Variants in PREPL observed in about 807,000 individuals in gnomAD.
PREPL encodes the protein prolyl endopeptidase-like.
In PREPL, 77 loss-of-function variants were observed where a neutral mutation model predicts 70.6. The ratio of observed to expected loss-of-function variants is 1.09; its 90% CI spans 0.91 to 1.32. The LOEUF (loss-of-function observed/expected upper bound fraction) is 1.32, where lower values mean the gene tolerates loss of function less well. Among genes scored for constraint, PREPL ranks in the 40% most tolerant of loss-of-function variants. The pLI, the probability that PREPL is intolerant of heterozygous loss-of-function variation, is 0.00. For missense variants in PREPL, 1,002 were observed against 778.2 expected (o/e 1.29, Z -3.42); for synonymous variants, 315 against 264.8 (o/e 1.19, Z -1.84).
chr2:44,359,455 A>G (rs1050659026), intron 1 of PREPL: 2 of 1,372,398 alleles, frequency 1.5e-6, no homozygotes, highest in Non-Finnish European at 2.0e-6. Context: ...ATTAAAATTA[A>G]TCTTAATGAC....
At chr2:44,339,396 T>C in intron 5 of PREPL, 33 bp from the exon 6 acceptor site, 2 of 1,605,722 alleles carry the variant, frequency 1.2e-6, no homozygotes, top group Non-Finnish European at 1.7e-6. Context: ...GAGATCACAG[T>C]TTATTTCAGA....
intron 5 of PREPL, among the ~76,000 whole-genome samples, chr2:44,339,976 T>A (rs1041861489): frequency 6.6e-6 from 1 of 152,172 alleles, no homozygotes; most frequent in Non-Finnish European, 1.5e-5. Context: ...ATAGCTATTT[T>A]ACTTTTTAAA....
At chr2:44,339,948 C>T (rs959816047) in intron 5 of PREPL, among the ~76,000 whole-genome samples, 2 of 151,986 alleles carry the variant, frequency 1.3e-5, no homozygotes, top group Non-Finnish European at 2.9e-5. Context: ...ACTAACGTAA[C>T]ACATTTAAAA....
chr2:44,353,238 G>C (rs1676639151), intron 1 of PREPL, among the ~76,000 whole-genome samples: 1 of 152,076 alleles, frequency 6.6e-6, no homozygotes, highest in South Asian at 2.1e-4. Flanking sequence ...TAGGCTCTGT[G>C]GCTTTAGTTT....
At chr2:44,350,620 A>G (rs1294381209) in intron 1 of PREPL, among the ~76,000 whole-genome samples, 1 of 152,126 alleles carries the variant, frequency 6.6e-6, no homozygotes, top group African/African-American at 2.4e-5. Context: ...AACTCATTTT[A>G]TTTTTTAAAA....
rs1413925130 is a variant in PREPL, at chr2:44,320,256, C to T, written c.*1100G>A. On this transcript the variant is annotated 3_prime_UTR_variant, in exon 14 of 14. Transcript: ENST00000409411. ...GTTATATCAAGATTTAAGTCTACTT[C>T]ATGCCAATGAGCTACTCCTCAACAG... 31 of 1,613,964 alleles carry T rather than the reference C, an allele frequency of 1.9e-5. No individual in the cohort carries two copies. Among genetic ancestry groups the T allele is most frequent in the Non-Finnish European group, 2.6e-5 (31 of 1,179,950 alleles).
At chr2:44,346,179 T>G in intron 2 of PREPL, 89 bp downstream of exon 2, 1 of 1,253,470 alleles carries the variant, frequency 8.0e-7, no homozygotes, top group Middle Eastern at 2.6e-4. Context: ...AATCTTGATG[T>G]GGACTATGTC....
intron 1 of PREPL, among the ~76,000 whole-genome samples, chr2:44,354,551 T>C (rs77418421): frequency 1.4e-3 from 209 of 151,960 alleles, no homozygotes; most frequent in African/African-American, 4.9e-3. Context: ...ACTTTACTAG[T>C]GAGTTATATT....
chr2:44,359,280 C>T (rs1677400090), intron 1 of PREPL, among the ~76,000 whole-genome samples: 1 of 151,876 alleles, frequency 6.6e-6, no homozygotes, highest in African/African-American at 2.4e-5. Flanking sequence ...GTTGGCCAGG[C>T]TGGTCTCGAA....
intron 4 of PREPL, 53 bp downstream of exon 4, chr2:44,343,690 CAA>C: frequency 1.3e-6 from 2 of 1,518,276 alleles, no homozygotes; most frequent in Non-Finnish European, 1.8e-6. Flanking sequence ...AAAAATGTTT[CAA>C]AAGTGTTACC....
intron 1 of PREPL, chr2:44,359,495 A>G (rs781094358): frequency 1.3e-6 from 2 of 1,596,900 alleles, no homozygotes; most frequent in Non-Finnish European, 1.7e-6. Context: ...AACAGTCCAT[A>G]CCTTACATGA....
At chr2:44,321,681 G>A in intron 13 of PREPL, 146 bp downstream of exon 13, 2 of 1,555,554 alleles carry the variant, frequency 1.3e-6, no homozygotes, top group Non-Finnish European at 1.7e-6. Context: ...TTGACACAGT[G>A]TCCCTCCCTC....
chr2:44,329,628 TA>T (rs1362691196), intron 8 of PREPL, among the ~76,000 whole-genome samples: 1 of 152,156 alleles, frequency 6.6e-6, no homozygotes. Flanking sequence ...ATGTTACTGA[TA>T]ACTACCACAA....
chr2:44,323,428 G>A lies in PREPL; in HGVS notation c.1480-17C>T. 1 of 1,563,342 alleles carries A rather than the reference G, an allele frequency of 6.4e-7. No individual in the cohort carries two copies. Among genetic ancestry groups the A allele is most frequent in the Non-Finnish European group, 8.7e-7 (1 of 1,153,050 alleles). ...GAAAGGTGCCTAAAAAAAAGGCAAAGAAACTTATACTTCAAGTAAGAGGTT... is the reference window on the plus strand; with the variant it reads ...GAAAGGTGCCTAAAAAAAAGGCAAAAAAACTTATACTTCAAGTAAGAGGTT... On this transcript the variant is annotated splice_polypyrimidine_tract_variant and intron_variant, in intron 10 of 13. Coordinates refer to ENST00000409411, the MANE Select transcript of PREPL (RefSeq NM_001171613.2).
Position 44,337,241 on chromosome 2 carries a change from A to C in PREPL, c.888+1110T>G, listed in dbSNP as rs367641671. On this transcript the variant is annotated intron_variant, in intron 7 of 13. Coordinates refer to ENST00000409411, the MANE Select transcript of PREPL (RefSeq NM_001171613.2). ...TCCCCTCTCCACCTGTCAAAATCCT[A>C]TCTCTCTTCTCTGGTTTATTTCACA... Among the ~76,000 whole-genome samples, 28 of 152,206 alleles carry C rather than the reference A, an allele frequency of 1.8e-4. No individual in the cohort carries two copies. The South Asian group carries it at 2.5e-3, about 14-fold the overall frequency.
At chr2:44,342,964 A>T (rs1370038752) in intron 4 of PREPL, among the ~76,000 whole-genome samples, 2 of 152,174 alleles carry the variant, frequency 1.3e-5, no homozygotes, top group African/African-American at 4.8e-5. Flanking sequence ...AAGCCACAGG[A>T]TATCTCCAAC....
At chr2:44,341,284 T>C (rs1558505125) in intron 5 of PREPL, among the ~76,000 whole-genome samples, 1 of 152,162 alleles carries the variant, frequency 6.6e-6, no homozygotes, top group Non-Finnish European at 1.5e-5. Context: ...CACCGATTCA[T>C]TTTTCATTAG....
intron 10 of PREPL, among the ~76,000 whole-genome samples, 178 bp downstream of exon 10, chr2:44,326,534 C>A (rs559396505): frequency 6.6e-6 from 1 of 151,036 alleles, no homozygotes; most frequent in Admixed American, 6.6e-5. Context: ...GACAGGGTCT[C>A]GCCATGTTGC....
chr2:44,341,733 AAAAG>A (rs1367648829), intron 5 of PREPL, among the ~76,000 whole-genome samples: 1 of 151,810 alleles, frequency 6.6e-6, no homozygotes, highest in Non-Finnish European at 1.5e-5. Flanking sequence ...CAAAAAGAAA[AAAAG>A]AAAAGTAAAA....
Sources: gnomAD v4.1 joint callset for allele counts (sites outside exome capture counted in the v4.1 genomes callset) on GRCh38, gnomAD v4.1.1 for gene constraint, MANE v1.5 for transcripts, NCBI Gene and HGNC (gene_info 2026-07-23, HGNC 2026-07-21) for gene names.